TFDP2: variants seen among roughly 807,000 people sequenced by gnomAD.
TFDP2 encodes transcription factor Dp-2 (E2F dimerization partner 2).
TFDP2 carries 17 observed loss-of-function variants against 59.3 expected under a neutral mutation model. The ratio of observed to expected loss-of-function variants is 0.29; its 90% CI spans 0.20 to 0.43. TFDP2 has a LOEUF of 0.43. Among genes scored for constraint, TFDP2 ranks in the 20% least tolerant of loss-of-function variants. The probability of loss-of-function intolerance (pLI) is 1.00; values close to 1 mark genes in which losing one functional copy is unlikely to be tolerated. For synonymous variants in TFDP2, 180 were observed against 194.7 expected, an observed-to-expected ratio of 0.92 and a Z score of 0.63; for missense variants, 391 against 528.8, an observed-to-expected ratio of 0.74 and a Z score of 2.56.
rs536382336 is a variant in TFDP2 at position 141,972,040 on chromosome 3, T to C, written c.664-1899A>G. On this transcript the variant is annotated intron_variant, in intron 8 of 12. Transcript: ENST00000489671. ...ATTTTTCTTGTCTGCTCCAGCAGATTATCTCTTACTTGCTCCACATCCAGT... is the reference window on the plus strand; with the variant it reads ...ATTTTTCTTGTCTGCTCCAGCAGATCATCTCTTACTTGCTCCACATCCAGT... Among the ~76,000 whole-genome samples the C allele has an allele frequency of 1.2e-4, 18 of 152,356 alleles. No individual in the cohort carries two copies. In the South Asian group the frequency reaches 3.5e-3, roughly 30 times the overall value.
At position 142,149,385 on chromosome 3, in the gene TFDP2, GA is replaced by G. The variant is rs1297497967; in HGVS notation, c.-296del. ...GAACGCCAACCGTGCGCGCGCCCTCGAGCCTGCCCAAAGATGAAGGGTCAGG... is the reference window on the plus strand; with the variant it reads ...GAACGCCAACCGTGCGCGCGCCCTCGGCCTGCCCAAAGATGAAGGGTCAGG... On this transcript the variant is annotated 5_prime_UTR_variant, in exon 1 of 13. Transcript: ENST00000489671. 2.6e-6 allele frequency: 1 copy of G among 388,264 alleles called. No individual in the cohort carries two copies. Among genetic ancestry groups the G allele is most frequent in the Non-Finnish European group, 4.5e-6 (1 of 219,898 alleles). 24.1% of individuals were successfully genotyped at this position (388,264 alleles called of 1,614,324 possible). A position where few individuals can be genotyped will look rare whatever the true frequency, so the allele number is the denominator to read the frequency against.
rs1444967706 is a variant in TFDP2, at chr3:141,995,003, A to G, written c.308+17T>C. 2.0e-6 allele frequency: 3 copies of G among 1,531,170 alleles called. No homozygotes were observed. The highest frequency in any genetic ancestry group is 2.8e-5 in the African/African-American group (2 of 71,726). The allele number at this position is 1,531,170 out of a possible 1,614,324, so 94.8% of individuals were successfully genotyped here. A position where few individuals can be genotyped will look rare whatever the true frequency, so the allele number is the denominator to read the frequency against. On this transcript the variant is annotated intron_variant, in intron 5 of 12. Coordinates refer to ENST00000489671, the MANE Select transcript of TFDP2 (RefSeq NM_001178139.2). ...TTTTTTTAAGGTTTTAAAAATAGTA[A>G]CTTGCAACACTCTTACCCAGGGACC... is the stretch of plus-strand genomic sequence containing the variant.
intron 1 of TFDP2, among the ~76,000 whole-genome samples, chr3:142,134,468 C>G (rs930480369): frequency 2.6e-5 from 4 of 151,966 alleles, no homozygotes; most frequent in Non-Finnish European, 5.9e-5. Context: ...CAAAATTAAT[C>G]AAAATTGCCA....
chr3:142,043,670 C>G (rs906537017), intron 3 of TFDP2: 4 of 1,020,232 alleles, frequency 3.9e-6, no homozygotes, highest in Non-Finnish European at 6.3e-6. Context: ...ATGATCTCCT[C>G]CTTCTTGGCC....
intron 1 of TFDP2, among the ~76,000 whole-genome samples, chr3:142,143,801 T>C (rs1362134741): frequency 6.6e-6 from 1 of 152,210 alleles, no homozygotes; most frequent in Non-Finnish European, 1.5e-5. Flanking sequence ...AAACTGTTGA[T>C]GGGAACGTAA....
chr3:142,090,479 A>G (rs1025958841), intron 3 of TFDP2, among the ~76,000 whole-genome samples: 1 of 152,066 alleles, frequency 6.6e-6, no homozygotes, highest in African/African-American at 2.4e-5. Context: ...CTATTCTACC[A>G]TCAAAGACAA....
intron 9 of TFDP2, among the ~76,000 whole-genome samples, chr3:141,967,786 A>G (rs558205179): frequency 6.6e-6 from 1 of 152,288 alleles, no homozygotes; most frequent in Admixed American, 6.5e-5. Flanking sequence ...TAAAAAATAA[A>G]AAAACAATGT....
intron 3 of TFDP2, among the ~76,000 whole-genome samples, chr3:142,048,094 A>G (rs1281634316): frequency 1.3e-5 from 2 of 152,086 alleles, no homozygotes; most frequent in Non-Finnish European, 2.9e-5. Context: ...CACACAGAGA[A>G]TATCAAAACC....
chr3:142,112,215 G>A (rs2061689459), intron 1 of TFDP2, among the ~76,000 whole-genome samples: 1 of 152,080 alleles, frequency 6.6e-6, no homozygotes, highest in East Asian at 1.9e-4. Flanking sequence ...AGTAATATTA[G>A]CCATATCTTG....
chr3:142,042,809 G>A (rs1243524292), intron 3 of TFDP2, among the ~76,000 whole-genome samples: 2 of 137,968 alleles, frequency 1.4e-5, no homozygotes, highest in African/African-American at 2.8e-5. Context: ...GCTTGATCTC[G>A]GCTCACCACA....
At chr3:142,099,777 T>A (rs976529594) in intron 2 of TFDP2, among the ~76,000 whole-genome samples, 5 of 152,082 alleles carry the variant, frequency 3.3e-5, no homozygotes, top group African/African-American at 1.2e-4. Context: ...GAGTCACTTA[T>A]CAAATCGCCT....
intron 3 of TFDP2, among the ~76,000 whole-genome samples, chr3:142,087,191 T>C (rs565811526): frequency 9.9e-4 from 151 of 152,304 alleles, no homozygotes; most frequent in South Asian, 4.8e-3. Flanking sequence ...GACTAATATA[T>C]GTAGTCATGT....
At chr3:141,981,152 G>A (rs376184335) in intron 6 of TFDP2, among the ~76,000 whole-genome samples, 21 of 152,022 alleles carry the variant, frequency 1.4e-4, no homozygotes, top group East Asian at 1.2e-3. Flanking sequence ...CTTTTACAAG[G>A]TATTTTTACT....
chr3:141,968,183 AG>A (rs1938435167), intron 9 of TFDP2, among the ~76,000 whole-genome samples: 1 of 129,426 alleles, frequency 7.7e-6, no homozygotes, highest in South Asian at 2.3e-4. Context: ...ATAAACTGTC[AG>A]TTTCAGCTTT....
intron 3 of TFDP2, among the ~76,000 whole-genome samples, chr3:142,008,082 T>C (rs1457354385): frequency 6.6e-6 from 1 of 152,172 alleles, no homozygotes; most frequent in Non-Finnish European, 1.5e-5. Flanking sequence ...TTCACAATAC[T>C]GGCTGTCCGG....
intron 3 of TFDP2, among the ~76,000 whole-genome samples, chr3:142,092,684 C>T (rs2061033615): frequency 6.6e-6 from 1 of 152,162 alleles, no homozygotes; most frequent in Admixed American, 6.5e-5. Context: ...GAAATACACA[C>T]ATACACACGT....
At chr3:142,093,031 T>G (rs2061049760) in intron 3 of TFDP2, 30 bp downstream of exon 3, 2 of 1,463,748 alleles carry the variant, frequency 1.4e-6, no homozygotes, top group African/African-American at 2.8e-5. Context: ...ACTAACTTAA[T>G]TCAGAAAAAT....
chr3:142,131,214 T>C (rs933847646), intron 1 of TFDP2, among the ~76,000 whole-genome samples: 4 of 149,738 alleles, frequency 2.7e-5, no homozygotes, highest in African/African-American at 5.1e-5. Context: ...ATAAAGAAGA[T>C]AGTGATTAAA....
chr3:142,048,161 T>C (rs1246232978), intron 3 of TFDP2, among the ~76,000 whole-genome samples: 1 of 152,094 alleles, frequency 6.6e-6, no homozygotes, highest in Non-Finnish European at 1.5e-5. Context: ...ACACCTGTAA[T>C]CCTAGCACCT....
Sources: gnomAD v4.1 joint callset for allele counts (sites outside exome capture counted in the v4.1 genomes callset) on GRCh38, gnomAD v4.1.1 for gene constraint, MANE v1.5 for transcripts, NCBI Gene and HGNC (gene_info 2026-07-23, HGNC 2026-07-21) for gene names.